Variants in EBF1 observed in about 807,000 individuals in gnomAD.
EBF1 encodes the protein EBF transcription factor 1, also known as transcription factor COE1.
In EBF1, 10 loss-of-function variants were observed where a neutral mutation model predicts 68.4. That is an observed-to-expected ratio of 0.15 (90% CI 0.09 to 0.25). The LOEUF is 0.25. EBF1 is among the 10% of genes least tolerant of loss of function. EBF1 has a pLI of 1.00. For synonymous variants in EBF1, 298 were observed against 299.8 expected (o/e 0.99, Z 0.06); for missense variants, 509 against 794.4 (o/e 0.64, Z 4.32).
chr5:159,054,519 A>C (rs2127834496), intron 6 of EBF1, among the ~76,000 whole-genome samples: 1 of 152,268 alleles, frequency 6.6e-6, no homozygotes, highest in South Asian at 2.1e-4. Flanking sequence ...GATTTTATGA[A>C]ATTCCAATTT....
At chr5:158,863,506 G>A (rs753053175) in intron 6 of EBF1, among the ~76,000 whole-genome samples, 14 of 152,130 alleles carry the variant, frequency 9.2e-5, no homozygotes, top group Non-Finnish European at 1.3e-4. Flanking sequence ...GCTTGATTCC[G>A]GAACAACAAA....
intron 6 of EBF1, among the ~76,000 whole-genome samples, chr5:159,020,845 G>A (rs989931514): frequency 1.3e-5 from 2 of 151,984 alleles, no homozygotes; most frequent in African/African-American, 4.8e-5. Context: ...ATGGGGATAA[G>A]TAATAACAAT....
At chr5:159,086,850 A>G (rs6894589) in intron 4 of EBF1, among the ~76,000 whole-genome samples, 1 of 151,902 alleles carries the variant, frequency 6.6e-6, no homozygotes, top group Non-Finnish European at 1.5e-5. Flanking sequence ...AGTTTCAGCA[A>G]GCATTGATTA....
intron 6 of EBF1, among the ~76,000 whole-genome samples, chr5:159,000,090 A>G (rs899299419): frequency 1.3e-5 from 2 of 152,238 alleles, no homozygotes; most frequent in African/African-American, 4.8e-5. Context: ...AGATGAAGCA[A>G]TTCATGCCTT....
chr5:158,843,597 C>T lies in EBF1; in HGVS notation c.555-3487G>A, dbSNP rs146077545. ...TTGACCATCTGTCGTGGGGAAGACA[C>T]GGCCATCAACTGGTGCCTGAGGCCT... is the stretch of plus-strand genomic sequence containing the variant. On this transcript the variant is annotated intron_variant, in intron 6 of 15. Transcript: ENST00000313708. 5.9e-3 allele frequency among the ~76,000 whole-genome samples: 900 copies of T among 152,300 alleles called. 14 individuals carry two copies. The highest frequency in any genetic ancestry group is 0.021 in the African/African-American group (859 of 41,566).
chr5:158,828,341 T>C (rs1036418568), intron 7 of EBF1, among the ~76,000 whole-genome samples: 1 of 152,208 alleles, frequency 6.6e-6, no homozygotes, highest in East Asian at 1.9e-4. Context: ...AATGTGACTG[T>C]ATTTTCAGAT....
intron 6 of EBF1, among the ~76,000 whole-genome samples, chr5:158,929,915 G>A (rs1810477883): frequency 6.6e-6 from 1 of 152,124 alleles, no homozygotes; most frequent in South Asian, 2.1e-4. Flanking sequence ...CACCTTTTTT[G>A]TTGTTTGTTC....
At chr5:158,962,096 C>T (rs988083947) in intron 6 of EBF1, among the ~76,000 whole-genome samples, 1 of 152,278 alleles carries the variant, frequency 6.6e-6, no homozygotes, top group Non-Finnish European at 1.5e-5. Flanking sequence ...GATGGCAGCA[C>T]AGGACTGTGT....
At chr5:159,004,106 G>A (rs1218161140) in intron 6 of EBF1, among the ~76,000 whole-genome samples, 7 of 152,076 alleles carry the variant, frequency 4.6e-5, no homozygotes, top group South Asian at 2.1e-4. Flanking sequence ...GTGAAACCCC[G>A]TCTCTACTAA....
rs72643432 is a variant in EBF1, at chr5:158,892,896, C to T, written c.555-52786G>A. ...CACTCAGCACCTACTCGAAGCGCCC[C>T]TTTTACTTTGATTTTTTTTCTAACC... On this transcript the variant is annotated intron_variant, in intron 6 of 15. Coordinates refer to ENST00000313708, the MANE Select transcript of EBF1 (RefSeq NM_024007.5). Among the ~76,000 whole-genome samples the T allele has an allele frequency of 5.9e-3, 814 of 137,752 alleles. 38 individuals are homozygous for T. The East Asian group carries it at 0.11, about 19-fold the overall frequency. The allele number at this position is 137,752 out of a possible 152,430, so 90.4% of individuals were successfully genotyped here.
chr5:158,708,214 T>C (rs1181955643), intron 14 of EBF1, 41 bp from the exon 15 acceptor site: 1 of 1,540,504 alleles, frequency 6.5e-7, no homozygotes, highest in Non-Finnish European at 8.8e-7. Flanking sequence ...GTGCCTTTCA[T>C]GGCATCCTGA....
chr5:158,922,060 G>C (rs551122069), intron 6 of EBF1, among the ~76,000 whole-genome samples: 1 of 152,310 alleles, frequency 6.6e-6, no homozygotes, highest in South Asian at 2.1e-4. Flanking sequence ...GTTGTGCTGG[G>C]TTCTCTCAGC....
intron 4 of EBF1, among the ~76,000 whole-genome samples, chr5:159,091,686 G>A (rs1300507946): frequency 1.3e-5 from 2 of 152,036 alleles, no homozygotes; most frequent in African/African-American, 4.8e-5. Flanking sequence ...ACAATCAATA[G>A]GAAAAAAATA....
intron 15 of EBF1, among the ~76,000 whole-genome samples, chr5:158,703,307 G>C (rs1757153065): frequency 6.6e-6 from 1 of 152,098 alleles, no homozygotes; most frequent in African/African-American, 2.4e-5. Flanking sequence ...ATAGAAAGAG[G>C]TATCTCTGCA....
intron 6 of EBF1, among the ~76,000 whole-genome samples, chr5:159,064,839 A>G (rs549204887): frequency 7.3e-5 from 11 of 151,246 alleles, no homozygotes; most frequent in African/African-American, 2.4e-4. Flanking sequence ...TGAACCCTTA[A>G]CCAACTTTCT....
At chr5:158,746,710 G>C (rs1384251289) in intron 10 of EBF1, among the ~76,000 whole-genome samples, 1 of 152,100 alleles carries the variant, frequency 6.6e-6, no homozygotes, top group Non-Finnish European at 1.5e-5. Context: ...TTGAAGCCTG[G>C]TGAATTTAGA....
intron 6 of EBF1, among the ~76,000 whole-genome samples, chr5:158,842,726 G>A (rs17715535): frequency 0.33 from 50,210 of 152,164 alleles, 9,011 homozygotes; most frequent in South Asian, 0.58. Context: ...TCCGTGTATT[G>A]GGTGCTTACC....
chr5:158,782,324 G>A (rs1346500666), intron 9 of EBF1, among the ~76,000 whole-genome samples: 3 of 152,112 alleles, frequency 2.0e-5, no homozygotes, highest in Non-Finnish European at 4.4e-5. Context: ...GATATTTCCT[G>A]AGATCAGGAA....
chr5:158,833,138 T>C (rs1474760204), intron 7 of EBF1, among the ~76,000 whole-genome samples: 2 of 148,874 alleles, frequency 1.3e-5, no homozygotes, highest in East Asian at 2.0e-4. Context: ...CCTTCTCTAC[T>C]AAAAAAAAAA....
Sources: allele counts gnomAD v4.1 joint callset (sites outside exome capture counted in the v4.1 genomes callset), GRCh38; gene constraint gnomAD v4.1.1; transcripts MANE v1.5; gene names NCBI Gene and HGNC (gene_info 2026-07-23, HGNC 2026-07-21).